Variants in C16orf89 observed in about 807,000 individuals in gnomAD.
C16orf89 encodes chromosome 16 open reading frame 89.
C16orf89 carries 57 observed loss-of-function variants against 41.5 expected under a neutral mutation model. The ratio of observed to expected loss-of-function variants is 1.38; its 90% confidence interval spans 1.11 to 1.71. C16orf89 has a LOEUF of 1.71. C16orf89 is among the 40% of genes most tolerant of loss of function. The pLI is 0.00. For synonymous variants in C16orf89, 223 were observed against 190.6 expected, an observed-to-expected ratio of 1.17 and a Z score of -1.40; for missense variants, 575 against 445.9, an observed-to-expected ratio of 1.29 and a Z score of -2.61.
intron 6 of C16orf89, among the ~76,000 whole-genome samples, chr16:5,054,170 C>T (rs1268943230): frequency 4.6e-5 from 7 of 152,212 alleles, no homozygotes; most frequent in Admixed American, 2.6e-4. Context: ...AGGACACTAG[C>T]ATTTCCTGGG....
At position 5,065,887 on chromosome 16, in the gene C16orf89, G is replaced by A. The variant is rs1200427978; in HGVS notation, c.22C>T (p.Leu8Phe). The stretch of plus-strand genomic sequence containing the variant: ...GGCAGTGCTGTCAGTAAGAGCAGGA[G>A]CAGCAGCCCCAGGCTGGCCATGGCC... Reference protein sequence around the residue: MASLGLLLLLLLTALPPL... With the variant: MASLGLLFLLLLTALPPL... Residue 8 changes from leucine to phenylalanine, a missense_variant, in exon 1 of 8, where the codon CTC becomes TTC. Physicochemically the swap from Leu to Phe is conservative, Grantham distance 22 (BLOSUM62 0). Transcript: ENST00000472572. 1 of 1,614,006 alleles carries A rather than the reference G, an allele frequency of 6.2e-7. No individual in the cohort carries two copies. Among genetic ancestry groups the A allele is most frequent in the East Asian group, 2.2e-5 (1 of 44,884 alleles).
At chr16:5,061,732 G>T (rs1194598170) in intron 2 of C16orf89, among the ~76,000 whole-genome samples, 1 of 152,174 alleles carries the variant, frequency 6.6e-6, no homozygotes, top group Non-Finnish European at 1.5e-5. Flanking sequence ...CGGCTGGACT[G>T]CCGTGTGAGC....
Position 5,060,274 on chromosome 16 carries a change from T to G in C16orf89, c.509+12A>C. 6.2e-7 allele frequency: 1 copy of G among 1,600,448 alleles called. No individual in the cohort carries two copies. Among genetic ancestry groups the G allele is most frequent in the Non-Finnish European group, 8.5e-7 (1 of 1,172,376 alleles). On this transcript the variant is annotated intron_variant, in intron 3 of 7. Transcript: ENST00000472572. ...TTGGGTTTCCAGCAAATAGGGCAAG[T>G]GCAGGGCCCACCCGGTTCCCAGCAG...
At chr16:5,055,912 T>A in intron 5 of C16orf89, 141 bp downstream of exon 5, 1 of 1,283,638 alleles carries the variant, frequency 7.8e-7, no homozygotes, top group Middle Eastern at 2.6e-4. Context: ...GCACTCTGTA[T>A]TTTTACTTGC....
intron 6 of C16orf89, among the ~76,000 whole-genome samples, chr16:5,051,804 A>G (rs1956401422): frequency 1.3e-5 from 2 of 152,334 alleles, no homozygotes; most frequent in Middle Eastern, 3.4e-3. Context: ...TCAAGGCTAT[A>G]GGAAACAAAA....
At position 5,065,844 on chromosome 16, in the gene C16orf89, G is replaced by T. The variant is rs1555449983; in HGVS notation, c.65C>A (p.Ser22Ter). Residue 22 changes from serine to a stop codon, truncating the protein, a stop_gained, in exon 1 of 8, where the codon TCA (serine) becomes TAA (stop). Coordinates refer to ENST00000472572, the MANE Select transcript of C16orf89 (RefSeq NM_001098514.3). LOFTEE classifies it high-confidence loss of function. ...LTALPPLWSS[S>*]LPGLDTAESK... Reference sequence around the variant, plus strand: ...TTCAGCAGTGTCCAGCCCAGGCAGTGAGGAGGACCACAGCGGTGGCAGTGC... The same window carrying T: ...TTCAGCAGTGTCCAGCCCAGGCAGTTAGGAGGACCACAGCGGTGGCAGTGC... The T allele has an allele frequency of 1.2e-6, 2 of 1,614,130 alleles. No homozygotes were observed. Among genetic ancestry groups the T allele is most frequent in the South Asian group, 1.1e-5 (1 of 91,090 alleles).
intron 5 of C16orf89, 47 bp from the exon 6 acceptor site, chr16:5,055,397 A>G (rs1392079789): frequency 6.8e-7 from 1 of 1,464,726 alleles, no homozygotes. Flanking sequence ...CCCCAGGCCC[A>G]CCTCCTCCCA....
chr16:5,056,082 T>C lies in C16orf89; in HGVS notation c.734A>G (p.Tyr245Cys), dbSNP rs1025577728. ...TTCCATGAAGATGTCCCGGGTAGGG[T>C]AGGCGTATCCGATGGCCTCAGCTCT... is the stretch of plus-strand genomic sequence containing the variant. ...NRRAEAIGYA[Y>C]PTRDIFMENI... Residue 245 changes from tyrosine to cysteine, a missense_variant, in exon 5 of 8, where the codon TAC becomes TGC. Tyr to Cys is a radical substitution (Grantham distance 194, BLOSUM62 -2). Transcript: ENST00000472572. The C allele has an allele frequency of 1.9e-6, 3 of 1,596,490 alleles. No homozygotes were observed. Among genetic ancestry groups the C allele is most frequent in the Non-Finnish European group, 2.6e-6 (3 of 1,166,014 alleles).
intron 2 of C16orf89, 49 bp downstream of exon 2, chr16:5,062,376 C>A: frequency 6.4e-7 from 1 of 1,551,304 alleles, no homozygotes; most frequent in East Asian, 2.3e-5. Context: ...CAGTCAATAT[C>A]CCCATAGGCG....
At chr16:5,062,236 C>T (rs1027871693) in intron 2 of C16orf89, among the ~76,000 whole-genome samples, 189 bp downstream of exon 2, 2 of 152,192 alleles carry the variant, frequency 1.3e-5, no homozygotes, top group South Asian at 2.1e-4. Flanking sequence ...GAGAGCCCGT[C>T]AGAGTCTGAA....
chr16:5,065,698 C>T lies in C16orf89; in HGVS notation c.208+3G>A, dbSNP rs757903920. On this transcript the variant is annotated splice_donor_region_variant and intron_variant, in intron 1 of 7. Transcript: ENST00000472572. ...CCAGCCAGAGGAATTGGGGCTCACTCACCTTCCAGCACTCGGACCCCCACC... is the reference window on the plus strand; with the variant it reads ...CCAGCCAGAGGAATTGGGGCTCACTTACCTTCCAGCACTCGGACCCCCACC... The T allele has an allele frequency of 4.3e-6, 7 of 1,610,808 alleles. No individual in the cohort carries two copies. Among genetic ancestry groups the T allele is most frequent in the Non-Finnish European group, 5.9e-6 (7 of 1,177,134 alleles).
At chr16:5,057,309 G>A (rs1485299933) in intron 4 of C16orf89, among the ~76,000 whole-genome samples, 1 of 141,798 alleles carries the variant, frequency 7.1e-6, no homozygotes, top group Non-Finnish European at 1.5e-5. Flanking sequence ...TATATATAGT[G>A]GTATATATAT....
At chr16:5,051,906 C>A (rs1438895462) in intron 6 of C16orf89, among the ~76,000 whole-genome samples, 1 of 151,980 alleles carries the variant, frequency 6.6e-6, no homozygotes, top group Non-Finnish European at 1.5e-5. Flanking sequence ...TCAAGACCAG[C>A]TTGGCCAACA....
chr16:5,062,319 C>G, intron 2 of C16orf89, 106 bp downstream of exon 2: 7 of 1,360,312 alleles, frequency 5.1e-6, no homozygotes, highest in Middle Eastern at 2.5e-4. Flanking sequence ...TGGTTACGGA[C>G]TGTCCCAGCC....
rs1305796875 is a variant in C16orf89 at position 5,065,726 on chromosome 16, G to A, written c.183C>T (p.Gly61=). The A allele has an allele frequency of 1.2e-6, 2 of 1,613,768 alleles. No individual in the cohort carries two copies. Among genetic ancestry groups the A allele is most frequent in the Non-Finnish European group, 1.7e-6 (2 of 1,179,760 alleles). The change falls in exon 1 of 8, where the codon GGC becomes GGT. Residue 61 remains glycine (G), a synonymous_variant. Coordinates refer to ENST00000472572, the MANE Select transcript of C16orf89 (RefSeq NM_001098514.3). ...EQRLPEINLD[G]MVGVRVLEEQ... ...CTTCCAGCACTCGGACCCCCACCATGCCATCCAGGTTGATTTCAGGCAGCC... is the reference window on the plus strand; with the variant it reads ...CTTCCAGCACTCGGACCCCCACCATACCATCCAGGTTGATTTCAGGCAGCC...
At chr16:5,061,509 CCCA>C (rs1956626522) in intron 2 of C16orf89, among the ~76,000 whole-genome samples, 4 of 112,360 alleles carry the variant, frequency 3.6e-5, no homozygotes, top group Non-Finnish European at 3.7e-5. Context: ...AAAAAACCCC[CCCA>C]AAAAAAAAAA....
Position 5,055,938 on chromosome 16 carries a change from C to CGTGTGTGTGTGT in C16orf89, c.763+103_763+114dup, listed in dbSNP as rs531301214. 469 of 908,294 alleles carry CGTGTGTGTGTGT rather than the reference C, an allele frequency of 5.2e-4. 5 individuals are homozygous for CGTGTGTGTGTGT. Among genetic ancestry groups the CGTGTGTGTGTGT allele is most frequent in the East Asian group, 3.4e-3 (103 of 29,944 alleles). The allele number at this position is 908,294 out of a possible 1,614,324, so 56.3% of individuals were successfully genotyped here. On this transcript the variant is annotated intron_variant, in intron 5 of 7. Coordinates refer to ENST00000472572, the MANE Select transcript of C16orf89 (RefSeq NM_001098514.3). ...TTTTACTTGCTTAATCTGGCAACTC[C>CGTGTGTGTGTGT]GTGTGTGTGTGTGTGTGTGTGTGTG... is the stretch of plus-strand genomic sequence containing the variant.
chr16:5,060,779 C>T (rs573526137), intron 2 of C16orf89, among the ~76,000 whole-genome samples: 15 of 152,034 alleles, frequency 9.9e-5, no homozygotes, highest in African/African-American at 3.4e-4. Flanking sequence ...GAAGGAAGAT[C>T]GCTTGAGGCC....
At chr16:5,062,230 G>A (rs569716352) in intron 2 of C16orf89, among the ~76,000 whole-genome samples, 195 bp downstream of exon 2, 18 of 152,326 alleles carry the variant, frequency 1.2e-4, no homozygotes, top group African/African-American at 4.3e-4. Context: ...GGGTAGGAGA[G>A]CCCGTCAGAG....
Sources: gnomAD v4.1 joint callset for allele counts (sites outside exome capture counted in the v4.1 genomes callset) on GRCh38, gnomAD v4.1.1 for gene constraint, MANE v1.5 for transcripts, NCBI Gene and HGNC (gene_info 2026-07-23, HGNC 2026-07-21) for gene names.